Variants in XRCC6 observed in about 807,000 individuals in gnomAD.
XRCC6 encodes the protein X-ray repair cross complementing 6.
XRCC6 carries 5 observed loss-of-function variants against 65.7 expected under a neutral mutation model. The observed-to-expected ratio is 0.08, with a 90% CI of 0.04 to 0.16. The LOEUF is 0.16. XRCC6 is among the 10% of genes least tolerant of loss of function. The pLI is 1.00. For missense variants in XRCC6, 447 were observed against 738.1 expected, an observed-to-expected ratio of 0.61 and a Z score of 4.57; for synonymous variants, 270 against 270.6, an observed-to-expected ratio of 1.00 and a Z score of 0.02.
At chr22:41,625,945 TCTC>T (rs2067665260) in intron 2 of XRCC6, among the ~76,000 whole-genome samples, 1 of 152,146 alleles carries the variant, frequency 6.6e-6, no homozygotes, top group African/African-American at 2.4e-5. Context: ...TTCAAGTGAT[TCTC>T]CTGCCTCAGC....
chr22:41,652,698 C>G (rs1386632169), intron 8 of XRCC6, among the ~76,000 whole-genome samples: 4 of 151,822 alleles, frequency 2.6e-5, no homozygotes, highest in Admixed American at 2.0e-4. Context: ...TGTTTTGAAA[C>G]AGTCTCACTC....
intron 3 of XRCC6, among the ~76,000 whole-genome samples, chr22:41,632,828 A>G (rs2067770043): frequency 6.9e-6 from 1 of 145,886 alleles, no homozygotes; most frequent in Non-Finnish European, 1.5e-5. Flanking sequence ...GTCTCTTGGA[A>G]AAAAAAAAAA....
chr22:41,643,012 TCGAACTATACA>T, intron 6 of XRCC6, among the ~76,000 whole-genome samples: 1 of 152,370 alleles, frequency 6.6e-6, no homozygotes, highest in African/African-American at 2.4e-5. Context: ...CTGTATATCT[TCGAACTATACA>T]GACACTTGTC....
At chr22:41,647,129 C>T (rs770047069) in intron 7 of XRCC6, 47 bp downstream of exon 7, 3 of 1,599,536 alleles carry the variant, frequency 1.9e-6, no homozygotes, top group South Asian at 1.1e-5. Flanking sequence ...GACAGGGTCT[C>T]ATTGTGTCGC....
At chr22:41,645,816 C>G (rs1359148205) in intron 6 of XRCC6, among the ~76,000 whole-genome samples, 1 of 151,650 alleles carries the variant, frequency 6.6e-6, no homozygotes, top group Admixed American at 6.6e-5. Flanking sequence ...CTGCCTCAGC[C>G]TCCCGAGTAG....
At chr22:41,643,358 G>T (rs537174477) in intron 6 of XRCC6, among the ~76,000 whole-genome samples, 1 of 151,438 alleles carries the variant, frequency 6.6e-6, no homozygotes, top group Admixed American at 6.6e-5. Context: ...GCAGTGAGCC[G>T]AGATCACACC....
At position 41,636,757 on chromosome 22, in the gene XRCC6, T is replaced by C. The variant is rs1311454585; in HGVS notation, c.576T>C (p.Asp192=). ...GCCGGGCCAGGACCAAAGCCGGTGA[T>C]CTCCGAGATACAGGTGGGCATATTT... ...KASRARTKAG[D]LRDTGIFLDL... The change falls in exon 5 of 13, where the codon GAT becomes GAC. Residue 192 remains aspartate (D), a synonymous_variant. Coordinates refer to ENST00000360079, the MANE Select transcript of XRCC6 (RefSeq NM_001469.5). The C allele has an allele frequency of 7.4e-6, 12 of 1,614,112 alleles. No individual in the cohort carries two copies. The highest frequency in any genetic ancestry group is 1.0e-5 in the Non-Finnish European group (12 of 1,180,000).
intron 8 of XRCC6, 116 bp downstream of exon 8, chr22:41,651,007 G>A: frequency 1.5e-6 from 2 of 1,364,702 alleles, no homozygotes; most frequent in Non-Finnish European, 2.0e-6. Context: ...GGAGTATGTT[G>A]AAAGTGTTTC....
intron 3 of XRCC6, among the ~76,000 whole-genome samples, chr22:41,632,175 A>T (rs1049827850): frequency 3.3e-5 from 5 of 149,826 alleles, no homozygotes; most frequent in African/African-American, 1.3e-4. Flanking sequence ...AGGGATAGGG[A>T]GAGGGAGAGG....
intron 2 of XRCC6, among the ~76,000 whole-genome samples, chr22:41,626,160 T>G (rs939396154): frequency 2.6e-5 from 4 of 151,708 alleles, no homozygotes; most frequent in African/African-American, 9.7e-5. Flanking sequence ...TTATTTTTTT[T>G]GAGACGGGTT....
At chr22:41,625,506 C>T (rs1355779307) in intron 2 of XRCC6, among the ~76,000 whole-genome samples, 1 of 152,084 alleles carries the variant, frequency 6.6e-6, no homozygotes, top group Non-Finnish European at 1.5e-5. Context: ...GGCACATGCC[C>T]GTAATCCCAG....
chr22:41,623,427 G>T (rs1020931694), intron 2 of XRCC6, among the ~76,000 whole-genome samples: 5 of 151,258 alleles, frequency 3.3e-5, no homozygotes, highest in East Asian at 3.9e-4. Context: ...TTGCTCTGTC[G>T]CCCAGGCTGG....
intron 2 of XRCC6, among the ~76,000 whole-genome samples, chr22:41,627,609 CAA>C (rs71184821): frequency 8.2e-5 from 8 of 97,504 alleles, no homozygotes; most frequent in African/African-American, 2.1e-4. Context: ...GACTCCGTCT[CAA>C]AAAAAAAAAA....
rs1312749761 is a variant in XRCC6 at position 41,650,887 on chromosome 22, G to A, written c.1125G>A (p.Val375=). ...SLFVYPEESL[V]IGSSTLFSAL... ...TCGTGTACCCAGAGGAGTCGCTGGT[G>A]ATTGGTAAGTAGCGTGGACCATGGA... Residue 375 remains valine (V), a synonymous_variant, in exon 8 of 13, where the codon GTG becomes GTA. Coordinates refer to ENST00000360079, the MANE Select transcript of XRCC6 (RefSeq NM_001469.5). The A allele has an allele frequency of 1.2e-6, 2 of 1,614,142 alleles. No individual in the cohort carries two copies. Among genetic ancestry groups the A allele is most frequent in the Non-Finnish European group, 1.7e-6 (2 of 1,180,020 alleles).
intron 7 of XRCC6, among the ~76,000 whole-genome samples, chr22:41,648,834 C>T (rs1601548372): frequency 1.3e-5 from 2 of 152,006 alleles, no homozygotes; most frequent in East Asian, 3.9e-4. Context: ...AGGCAGTAAG[C>T]TCTCTGGTCA....
Position 41,628,208 on chromosome 22 carries a change from C to T in XRCC6, c.173C>T (p.Thr58Ile), listed in dbSNP as rs1424742034. ...MFESQSEDEL[T>I]PFDMSIQCIQ... is the part of the protein sequence containing the mutation. ...GAATCTCAGAGTGAAGATGAGTTGA[C>T]ACCTTTTGACATGAGCATCCAGGTA... Residue 58 changes from threonine (T) to isoleucine (I), a missense_variant, in exon 3 of 13, where the codon ACA becomes ATA. Coordinates refer to ENST00000360079, the MANE Select transcript of XRCC6 (RefSeq NM_001469.5). The T allele has an allele frequency of 1.2e-6, 2 of 1,612,836 alleles. No homozygotes were observed. The highest frequency in any genetic ancestry group is 1.7e-4 in the Middle Eastern group (1 of 6,048).
intron 3 of XRCC6, among the ~76,000 whole-genome samples, chr22:41,633,423 C>G (rs917239973): frequency 6.7e-6 from 1 of 149,646 alleles, no homozygotes; most frequent in African/African-American, 2.5e-5. Flanking sequence ...GAGACGGAGT[C>G]TCGCTTTGCT....
intron 6 of XRCC6, among the ~76,000 whole-genome samples, chr22:41,642,533 A>G (rs760182499): frequency 6.6e-6 from 1 of 152,156 alleles, no homozygotes; most frequent in African/African-American, 2.4e-5. Flanking sequence ...GCCAAGCTCA[A>G]TGTGCTGGAG....
chr22:41,632,671 G>T (rs1395006113), intron 3 of XRCC6, among the ~76,000 whole-genome samples: 1 of 151,450 alleles, frequency 6.6e-6, no homozygotes, highest in African/African-American at 2.4e-5. Flanking sequence ...CAAAAAAAAA[G>T]AATAAGCTGG....
Sources: gnomAD v4.1 joint callset for allele counts (sites outside exome capture counted in the v4.1 genomes callset) on GRCh38, gnomAD v4.1.1 for gene constraint, MANE v1.5 for transcripts, NCBI Gene and HGNC (gene_info 2026-07-23, HGNC 2026-07-21) for gene names.